The following FSIP1 variants were observed in gnomAD, a reference collection of about 807,000 sequenced individuals.
The protein encoded by FSIP1 is fibrous sheath-interacting protein 1.
Under a neutral mutation model 60.9 loss-of-function variants are expected in FSIP1, and 65 were observed. The observed-to-expected ratio is 1.07, with a 90% confidence interval of 0.87 to 1.31. The LOEUF (loss-of-function observed/expected upper bound fraction) is 1.31, where lower values mean the gene tolerates loss of function less well. Among genes scored for constraint, FSIP1 ranks in the 40% most tolerant of loss-of-function variants. FSIP1 has a pLI of 0.00. For synonymous variants in FSIP1, 209 were observed against 221.2 expected (o/e 0.94, Z 0.49); for missense variants, 675 against 665.5 (o/e 1.01, Z -0.16).
intron 11 of FSIP1, among the ~76,000 whole-genome samples, chr15:39,601,778 T>G (rs953104127): frequency 6.6e-6 from 1 of 152,180 alleles, no homozygotes; most frequent in African/African-American, 2.4e-5. Context: ...AGACATAATG[T>G]AAGAAGCCAG....
chr15:39,617,780 C>A lies in FSIP1; in HGVS notation c.1654G>T (p.Glu552Ter). ...LYGISVSLSS[E>*]DQHLKLSSPE... The stretch of plus-strand genomic sequence containing the variant: ...GAACTGAGTTTCAGATGTTGGTCTT[C>A]TGATGAAAGGCTCACACTGATACCA... The change falls in exon 11 of 12, where the codon GAA becomes TAA. Residue 552 changes from glutamate to a stop codon, truncating the protein, a stop_gained. Coordinates refer to ENST00000350221, the MANE Select transcript of FSIP1 (RefSeq NM_152597.5). LOFTEE classifies it high-confidence loss of function. 1 of 1,614,038 alleles carries A rather than the reference C, an allele frequency of 6.2e-7. No individual in the cohort carries two copies. The highest frequency in any genetic ancestry group is 8.5e-7 in the Non-Finnish European group (1 of 1,179,956).
At chr15:39,679,742 CA>C (rs1247449249) in intron 10 of FSIP1, among the ~76,000 whole-genome samples, 2 of 151,992 alleles carry the variant, frequency 1.3e-5, no homozygotes, top group Non-Finnish European at 2.9e-5. Flanking sequence ...TTATTCAATG[CA>C]AAAAAAGTAT....
At chr15:39,713,056 A>G (rs1370199541) in intron 10 of FSIP1, among the ~76,000 whole-genome samples, 1 of 152,208 alleles carries the variant, frequency 6.6e-6, no homozygotes, top group Non-Finnish European at 1.5e-5. Flanking sequence ...CACTATCTGA[A>G]GTCAGAATAT....
chr15:39,640,695 G>A (rs117267883), intron 10 of FSIP1, among the ~76,000 whole-genome samples: 2,780 of 148,046 alleles, frequency 0.019, 36 homozygotes, highest in South Asian at 0.032. Flanking sequence ...AAAGACTCCA[G>A]TGCAACCACG....
chr15:39,746,552 T>C (rs559279426), intron 5 of FSIP1, among the ~76,000 whole-genome samples: 1 of 152,312 alleles, frequency 6.6e-6, no homozygotes, highest in Non-Finnish European at 1.5e-5. Context: ...CTTTTTGCTC[T>C]GTTGGTAAAT....
intron 10 of FSIP1, among the ~76,000 whole-genome samples, chr15:39,655,686 T>C (rs1321454040): frequency 6.6e-6 from 1 of 152,214 alleles, no homozygotes; most frequent in African/African-American, 2.4e-5. Context: ...GGTATGCAGC[T>C]ACTTTTTATG....
chr15:39,749,520 T>A (rs546280698), intron 5 of FSIP1, among the ~76,000 whole-genome samples: 1 of 152,162 alleles, frequency 6.6e-6, no homozygotes, highest in East Asian at 1.9e-4. Flanking sequence ...CTTATGTAAA[T>A]CAATCAGTGT....
intron 10 of FSIP1, among the ~76,000 whole-genome samples, chr15:39,648,638 AG>A (rs1469100516): frequency 2.6e-5 from 4 of 152,244 alleles, no homozygotes; most frequent in African/African-American, 7.2e-5. Context: ...GATGTAAATA[AG>A]ATACTAACAT....
intron 10 of FSIP1, among the ~76,000 whole-genome samples, chr15:39,656,768 C>A (rs1893086533): frequency 6.6e-6 from 1 of 152,120 alleles, no homozygotes; most frequent in African/African-American, 2.4e-5. Flanking sequence ...TGGAAGGGTT[C>A]TGAACTATTA....
intron 10 of FSIP1, among the ~76,000 whole-genome samples, chr15:39,657,628 G>T (rs1013518113): frequency 6.6e-6 from 1 of 152,114 alleles, no homozygotes; most frequent in African/African-American, 2.4e-5. Context: ...CCTCCTTCTT[G>T]AAATTAATAT....
chr15:39,717,204 C>G (rs1055215430), intron 9 of FSIP1, among the ~76,000 whole-genome samples: 1 of 152,132 alleles, frequency 6.6e-6, no homozygotes, highest in Non-Finnish European at 1.5e-5. Context: ...AAATATATAA[C>G]TAAAGCCTTG....
chr15:39,762,307 C>CT (rs1897529030), intron 5 of FSIP1, among the ~76,000 whole-genome samples: 1 of 152,198 alleles, frequency 6.6e-6, no homozygotes, highest in Non-Finnish European at 1.5e-5. Flanking sequence ...TTCCTAGCTT[C>CT]TTTTGGCTTA....
At chr15:39,776,602 T>C (rs1595410172) in intron 1 of FSIP1, 71 bp from the exon 2 acceptor site, 6 of 1,324,356 alleles carry the variant, frequency 4.5e-6, no homozygotes, top group Non-Finnish European at 5.3e-6. Context: ...TTAGTATTAA[T>C]ATCCAATTAC....
intron 8 of FSIP1, among the ~76,000 whole-genome samples, chr15:39,736,889 C>T (rs1896628902): frequency 6.6e-6 from 1 of 152,130 alleles, no homozygotes; most frequent in Admixed American, 6.5e-5. Context: ...GAGAGCTAAT[C>T]TCACATTTAG....
At chr15:39,723,649 T>C (rs1347801951) in intron 9 of FSIP1, among the ~76,000 whole-genome samples, 1 of 152,228 alleles carries the variant, frequency 6.6e-6, no homozygotes, top group African/African-American at 2.4e-5. Flanking sequence ...AAAACAGAAA[T>C]TTATATTCCA....
intron 10 of FSIP1, among the ~76,000 whole-genome samples, chr15:39,655,548 T>G (rs1215764790): frequency 6.6e-6 from 1 of 152,194 alleles, no homozygotes; most frequent in Non-Finnish European, 1.5e-5. Flanking sequence ...GAATGCCCAC[T>G]ACAAAGTTCA....
At chr15:39,757,602 A>T (rs1897340212) in intron 5 of FSIP1, among the ~76,000 whole-genome samples, 1 of 152,150 alleles carries the variant, frequency 6.6e-6, no homozygotes. Context: ...TTTAAAAAAA[A>T]CAGATATGTG....
chr15:39,693,040 A>T (rs1314648797), intron 10 of FSIP1, among the ~76,000 whole-genome samples: 1 of 152,234 alleles, frequency 6.6e-6, no homozygotes, highest in Non-Finnish European at 1.5e-5. Context: ...GCATCTGCCA[A>T]AAGTAAAGTC....
intron 11 of FSIP1, among the ~76,000 whole-genome samples, chr15:39,612,279 G>T (rs754379979): frequency 6.6e-6 from 1 of 152,126 alleles, no homozygotes; most frequent in Non-Finnish European, 1.5e-5. Context: ...AACTCAAGAG[G>T]ATTTTAATCA....
Sources: allele counts gnomAD v4.1 joint callset (sites outside exome capture counted in the v4.1 genomes callset), GRCh38; gene constraint gnomAD v4.1.1; transcripts MANE v1.5; gene names NCBI Gene and HGNC (gene_info 2026-07-23, HGNC 2026-07-21).